Variants in LPCAT2 observed in about 807,000 individuals in gnomAD.
LPCAT2 encodes the protein lysophosphatidylcholine acyltransferase 2.
LPCAT2 carries 58 observed loss-of-function variants against 64.7 expected under a neutral mutation model. The ratio of observed to expected loss-of-function variants is 0.90; its 90% CI spans 0.73 to 1.12. The LOEUF (loss-of-function observed/expected upper bound fraction) is 1.12. Among genes scored for constraint, LPCAT2 ranks in the 50% most tolerant of loss-of-function variants. The pLI is 0.00. For synonymous variants in LPCAT2, 252 were observed against 245.3 expected (o/e 1.03, Z -0.26); for missense variants, 579 against 669.8 (o/e 0.86, Z 1.50).
chr16:55,569,345 A>G (rs142009854), intron 11 of LPCAT2, among the ~76,000 whole-genome samples: 71 of 152,352 alleles, frequency 4.7e-4, no homozygotes, highest in African/African-American at 1.7e-3. Flanking sequence ...GTGTGGTTAC[A>G]TAAGAAGGAG....
At chr16:55,569,345 A>C (rs142009854) in intron 11 of LPCAT2, among the ~76,000 whole-genome samples, 1 of 152,234 alleles carries the variant, frequency 6.6e-6, no homozygotes, top group Non-Finnish European at 1.5e-5. Context: ...GTGTGGTTAC[A>C]TAAGAAGGAG....
intron 11 of LPCAT2, among the ~76,000 whole-genome samples, chr16:55,555,058 A>C (rs1243841255): frequency 6.6e-6 from 1 of 152,198 alleles, no homozygotes; most frequent in Non-Finnish European, 1.5e-5. Context: ...ATAATAATAA[A>C]ATTTTTTGAA....
chr16:55,576,768 G>C (rs978294279), intron 12 of LPCAT2, among the ~76,000 whole-genome samples: 12 of 152,160 alleles, frequency 7.9e-5, no homozygotes, highest in African/African-American at 2.7e-4. Context: ...CCAGAGTCTA[G>C]ATCATGCATG....
intron 11 of LPCAT2, among the ~76,000 whole-genome samples, chr16:55,574,116 C>T (rs1221417490): frequency 2.6e-5 from 4 of 152,264 alleles, no homozygotes; most frequent in Non-Finnish European, 4.4e-5. Context: ...TTCAGTTGCT[C>T]CTGGTTTACT....
chr16:55,580,800 C>A (rs1166421892), intron 13 of LPCAT2, among the ~76,000 whole-genome samples: 1 of 150,994 alleles, frequency 6.6e-6, no homozygotes, highest in Admixed American at 6.6e-5. Flanking sequence ...CGCCTCCTAT[C>A]TGATCAGTGG....
At chr16:55,567,218 G>A (rs111470998) in intron 11 of LPCAT2, 1 of 1,613,832 alleles carries the variant, frequency 6.2e-7, no homozygotes, top group Admixed American at 1.7e-5. Flanking sequence ...TCAAGAAATG[G>A]CAGTGTGTTT....
intron 7 of LPCAT2, among the ~76,000 whole-genome samples, chr16:55,534,688 T>C (rs1372549384): frequency 2.6e-5 from 4 of 152,180 alleles, no homozygotes; most frequent in Non-Finnish European, 5.9e-5. Context: ...TGGAGTCTTC[T>C]GTGTGCAAAA....
chr16:55,528,650 A>C (rs1198555825), intron 3 of LPCAT2, 56 bp downstream of exon 3: 2 of 1,312,966 alleles, frequency 1.5e-6, no homozygotes, highest in East Asian at 2.3e-5. Context: ...GCTTTAAATT[A>C]AAATAATCAT....
At chr16:55,570,279 G>A (rs1433614657) in intron 11 of LPCAT2, among the ~76,000 whole-genome samples, 10 of 152,138 alleles carry the variant, frequency 6.6e-5, no homozygotes, top group East Asian at 1.9e-4. Flanking sequence ...TTTGGGTAGC[G>A]GTGCATGTGT....
rs1325268570 is a variant in LPCAT2, at chr16:55,545,950, A to G, written c.935+133A>G. ...CCAATTCATTTTGATACGTAAAATA[A>G]TGTGCCCAGGGATGAGGTCAGTATA... On this transcript the variant is annotated intron_variant, in intron 9 of 13. Coordinates refer to ENST00000262134, the MANE Select transcript of LPCAT2 (RefSeq NM_017839.5). 1.2e-5 allele frequency: 8 copies of G among 641,600 alleles called. No individual in the cohort carries two copies. The East Asian group carries it at 1.7e-4, about 13-fold the overall frequency. The allele number at this position is 641,600 out of a possible 1,614,324, so 39.7% of individuals were successfully genotyped here.
At chr16:55,516,320 G>A (rs2053600172) in intron 1 of LPCAT2, among the ~76,000 whole-genome samples, 1 of 152,090 alleles carries the variant, frequency 6.6e-6, no homozygotes, top group African/African-American at 2.4e-5. Context: ...GCCCAGACTG[G>A]TCTCAAACTC....
chr16:55,547,203 A>C (rs1291856140), intron 9 of LPCAT2, among the ~76,000 whole-genome samples: 1 of 152,144 alleles, frequency 6.6e-6, no homozygotes, highest in South Asian at 2.1e-4. Flanking sequence ...GGCTTCCCAA[A>C]TTGTGCTTAG....
chr16:55,523,926 G>GT (rs1367216796), intron 1 of LPCAT2, among the ~76,000 whole-genome samples: 3 of 151,650 alleles, frequency 2.0e-5, no homozygotes, highest in African/African-American at 4.8e-5. Context: ...CCTTAATAAA[G>GT]TTTTTTTTAA....
intron 7 of LPCAT2, among the ~76,000 whole-genome samples, 187 bp from the exon 8 acceptor site, chr16:55,537,391 C>A (rs1819831): frequency 0.86 from 123,230 of 144,096 alleles, 52,625 homozygotes; most frequent in Non-Finnish European, 0.94. Context: ...ACCCTGTCCC[C>A]AAAAAAAAAA....
rs955225719 is a variant in LPCAT2, at chr16:55,562,769, C to T, written c.1215+11667C>T. Among the ~76,000 whole-genome samples, 9 of 151,724 alleles carry T rather than the reference C, an allele frequency of 5.9e-5. No individual in the cohort carries two copies. In the South Asian group the frequency reaches 1.2e-3, roughly 21 times the overall value. ...TATTATTATTATCATTTTGTAGATT[C>T]GAAATTGAGACCCCCAAATGCTAAG... is the stretch of plus-strand genomic sequence containing the variant. On this transcript the variant is annotated intron_variant, in intron 11 of 13. Transcript: ENST00000262134.
intron 12 of LPCAT2, 38 bp downstream of exon 12, chr16:55,574,767 T>C (rs1398425007): frequency 5.7e-6 from 8 of 1,408,204 alleles, no homozygotes; most frequent in Non-Finnish European, 7.0e-6. Flanking sequence ...TGGTCTGCCT[T>C]GTAAACAAGT....
intron 8 of LPCAT2, chr16:55,539,940 C>T (rs1462731226): frequency 6.6e-6 from 1 of 151,988 alleles, no homozygotes; most frequent in African/African-American, 2.4e-5. Context: ...TTCAAATGAA[C>T]TTTGAATGAA....
At chr16:55,532,153 A>G (rs1963262739) in intron 5 of LPCAT2, 179 bp downstream of exon 5, 4 of 552,802 alleles carry the variant, frequency 7.2e-6, no homozygotes, top group Admixed American at 3.1e-5. Flanking sequence ...TTTTGGGGTC[A>G]TAATTCCTCT....
At chr16:55,527,956 A>G (rs1049833547) in intron 2 of LPCAT2, among the ~76,000 whole-genome samples, 2 of 152,298 alleles carry the variant, frequency 1.3e-5, no homozygotes, top group African/African-American at 2.4e-5. Context: ...CAAGATAACC[A>G]CTTTGAAGGA....
Sources: gnomAD v4.1 joint callset for allele counts (sites outside exome capture counted in the v4.1 genomes callset) on GRCh38, gnomAD v4.1.1 for gene constraint, MANE v1.5 for transcripts, NCBI Gene and HGNC (gene_info 2026-07-23, HGNC 2026-07-21) for gene names.